The following ANAPC7 variants were observed in gnomAD, a reference collection of about 807,000 sequenced individuals.
ANAPC7 encodes anaphase promoting complex subunit 7.
Under a neutral mutation model 63.3 loss-of-function variants are expected in ANAPC7, and 25 were observed. The observed-to-expected ratio is 0.39, with a 90% CI of 0.29 to 0.55. The LOEUF is 0.55. Ranked by LOEUF, ANAPC7 falls within the 20% of genes least tolerant of loss-of-function variation. The pLI, the probability that ANAPC7 is intolerant of heterozygous loss-of-function variation, is 0.57. For missense variants in ANAPC7, 516 were observed against 691.7 expected (o/e 0.75, Z 2.85); for synonymous variants, 241 against 251.7 (o/e 0.96, Z 0.40).
intron 8 of ANAPC7, among the ~76,000 whole-genome samples, chr12:110,380,089 G>A (rs1432042568): frequency 2.6e-5 from 4 of 152,334 alleles, no homozygotes; most frequent in East Asian, 1.9e-4. Context: ...AGTGGTTCAC[G>A]TCTGTAATCC....
intron 5 of ANAPC7, 64 bp downstream of exon 5, chr12:110,387,675 A>G (rs1273658859): frequency 5.2e-6 from 8 of 1,546,924 alleles, no homozygotes; most frequent in Non-Finnish European, 7.0e-6. Context: ...GCTACTTCAG[A>G]TACATCAGAC....
intron 7 of ANAPC7, among the ~76,000 whole-genome samples, chr12:110,382,457 A>ATATAT (rs1251192302): frequency 3.9e-3 from 250 of 64,906 alleles, no homozygotes; most frequent in Admixed American, 9.1e-3. Flanking sequence ...AAAAAAAAAA[A>ATATAT]AAAAATATAT....
At chr12:110,382,455 A>ACATATATATATATATATATATATATAT (rs1306028353) in intron 7 of ANAPC7, among the ~76,000 whole-genome samples, 1 of 70,492 alleles carries the variant, frequency 1.4e-5, no homozygotes, top group Admixed American at 1.9e-4. Context: ...AAAAAAAAAA[A>ACATATATATATATATATATATATATAT]AAAAAAATAT....
intron 6 of ANAPC7, among the ~76,000 whole-genome samples, chr12:110,383,868 T>C (rs1393590481): frequency 1.1e-5 from 1 of 91,860 alleles, no homozygotes; most frequent in Non-Finnish European, 1.9e-5. Flanking sequence ...AGAGCGAGAC[T>C]CCGTCTCAAA....
chr12:110,393,940 T>G (rs2137975546), intron 3 of ANAPC7, among the ~76,000 whole-genome samples: 1 of 139,842 alleles, frequency 7.2e-6, no homozygotes, highest in Admixed American at 7.2e-5. Context: ...TGGGAGGCCG[T>G]GGCAGGCGAA....
At chr12:110,400,779 C>T (rs2062216781) in intron 1 of ANAPC7, among the ~76,000 whole-genome samples, 2 of 151,818 alleles carry the variant, frequency 1.3e-5, no homozygotes, top group African/African-American at 4.8e-5. Context: ...GGCTCGGTGG[C>T]TCACGCCTGC....
chr12:110,400,392 G>A (rs144782037), intron 1 of ANAPC7, among the ~76,000 whole-genome samples: 36 of 152,296 alleles, frequency 2.4e-4, no homozygotes, highest in African/African-American at 7.7e-4. Flanking sequence ...CTTCTCCACT[G>A]TTTGAATTTA....
chr12:110,394,669 CAAAAAAAAAA>C (rs779142936), intron 3 of ANAPC7, among the ~76,000 whole-genome samples: 41 of 42,776 alleles, frequency 9.6e-4, no homozygotes, highest in African/African-American at 3.9e-3. Context: ...AATTCCACCT[CAAAAAAAAAA>C]AAAAAAAAAA....
At chr12:110,391,095 C>T (rs1442398100) in intron 3 of ANAPC7, among the ~76,000 whole-genome samples, 1 of 152,096 alleles carries the variant, frequency 6.6e-6, no homozygotes, top group Non-Finnish European at 1.5e-5. Flanking sequence ...GAGGCTGAGA[C>T]AGGAGAATCG....
chr12:110,376,350 C>T, intron 9 of ANAPC7, 134 bp from the exon 10 acceptor site: 4 of 947,204 alleles, frequency 4.2e-6, no homozygotes, highest in Non-Finnish European at 6.1e-6. Flanking sequence ...ACCTGAAGCC[C>T]TATTCAGTTA....
In ANAPC7 at chr12:110,382,456, AAAAAAATATATATAT is replaced by A. The variant is rs1308052461; in HGVS notation, c.935+372_935+386del. On this transcript the variant is annotated intron_variant, in intron 7 of 10. Transcript: ENST00000455511. ...ATTATCCTTTTAAAAAAAAAAAAAA[AAAAAAATATATATAT>A]ATATATATATATATATATATATATT... Among the ~76,000 whole-genome samples, 9 of 86,198 alleles carry A rather than the reference AAAAAAATATATATAT, an allele frequency of 1.0e-4. 1 individual carries two copies. The highest frequency in any genetic ancestry group is 2.7e-4 in the Admixed American group (2 of 7,312). 56.5% of individuals were successfully genotyped at this position (86,198 alleles called of 152,430 possible). A position where few individuals can be genotyped will look rare whatever the true frequency, so the allele number is the denominator to read the frequency against.
In ANAPC7 at chr12:110,381,954, G is replaced by GGAAAAAAA. The variant is rs1566263376; in HGVS notation, c.936-7_936-6insTTTTTTTC. The GGAAAAAAA allele has an allele frequency of 3.5e-5, 34 of 977,114 alleles. No individual in the cohort carries two copies. The highest frequency in any genetic ancestry group is 1.5e-4 in the Admixed American group (4 of 26,754). The allele number at this position is 977,114 out of a possible 1,614,324, so 60.5% of individuals were successfully genotyped here. A position where few individuals can be genotyped will look rare whatever the true frequency, so the allele number is the denominator to read the frequency against. On this transcript the variant is annotated splice_polypyrimidine_tract_variant and splice_region_variant and intron_variant, in intron 7 of 10. Coordinates refer to ENST00000455511, the MANE Select transcript of ANAPC7 (RefSeq NM_016238.3). ...TGCTATAGAAGCTGTGACAGCTGGAGAAAAAAAAAAAAAAAAAAACACAAA... is the reference window on the plus strand; with the variant it reads ...TGCTATAGAAGCTGTGACAGCTGGAGGAAAAAAAAAAAAAAAAAAAAAAAAAACACAAA...
intron 7 of ANAPC7, among the ~76,000 whole-genome samples, chr12:110,382,490 A>T (rs1457637530): frequency 1.5e-5 from 2 of 133,930 alleles, no homozygotes; most frequent in Admixed American, 7.6e-5. Flanking sequence ...ATATATATAT[A>T]TATATTTATA....
intron 6 of ANAPC7, among the ~76,000 whole-genome samples, chr12:110,385,526 T>G (rs73206871): frequency 0.021 from 3,188 of 152,272 alleles, 44 homozygotes; most frequent in Middle Eastern, 0.048. Context: ...GACTAGTATT[T>G]CTAAAACATC....
chr12:110,386,273 TCTCTGA>T, intron 6 of ANAPC7, 48 bp downstream of exon 6: 1 of 1,606,068 alleles, frequency 6.2e-7, no homozygotes, highest in Non-Finnish European at 8.5e-7. Context: ...CTCCCTATTA[TCTCTGA>T]TCCCCCCCAA....
chr12:110,384,238 G>T (rs562439034), intron 6 of ANAPC7, among the ~76,000 whole-genome samples: 1 of 149,890 alleles, frequency 6.7e-6, no homozygotes, highest in East Asian at 2.0e-4. Flanking sequence ...AAAATAGAAA[G>T]AAAAAAAAAT....
chr12:110,396,450 T>G lies in ANAPC7; in HGVS notation c.104A>C (p.Glu35Ala). 6.3e-7 allele frequency: 1 copy of G among 1,595,090 alleles called. No homozygotes were observed. The highest frequency in any genetic ancestry group is 8.5e-7 in the Non-Finnish European group (1 of 1,173,800). The change falls in exon 2 of 11, where the codon GAG becomes GCG. Residue 35 changes from glutamate (E) to alanine (A), a missense_variant and splice_region_variant. By Grantham distance (107) the Glu-to-Ala change is moderately radical (BLOSUM62 -1). This residue lies in a region of ANAPC7 where 185 missense variants were observed against 200.3 expected (regional missense o/e 0.92). Transcript: ENST00000455511. ...LLLTMSNNNP[E>A]LFSPPQKYQL... ...GTACTTCTGAGGTGGGGAGAATAAC[T>G]CACTAGAAAACAAGAGAAAATGTAA...
intron 3 of ANAPC7, 136 bp downstream of exon 3, chr12:110,394,965 C>T: frequency 9.4e-7 from 1 of 1,065,916 alleles, no homozygotes; most frequent in Non-Finnish European, 1.3e-6. Flanking sequence ...CACCCCCACT[C>T]CATGAAGAGG....
At chr12:110,383,551 C>A (rs376913408) in intron 6 of ANAPC7, among the ~76,000 whole-genome samples, 1 of 151,994 alleles carries the variant, frequency 6.6e-6, no homozygotes, top group Admixed American at 6.6e-5. Flanking sequence ...CCAGCCTGGG[C>A]AATATGGTGA....
Sources: allele counts gnomAD v4.1 joint callset (sites outside exome capture counted in the v4.1 genomes callset), GRCh38; gene constraint gnomAD v4.1.1; regional missense constraint gnomAD v4.1.1; transcripts MANE v1.5; gene names NCBI Gene and HGNC (gene_info 2026-07-23, HGNC 2026-07-21).